The following CLRN1 variants were observed in gnomAD, a reference collection of about 807,000 sequenced individuals.
CLRN1 encodes clarin 1.
Under a neutral mutation model 18.7 loss-of-function variants are expected in CLRN1, and 15 were observed. That is an observed-to-expected ratio of 0.80 (90% CI 0.54 to 1.23). CLRN1 has a LOEUF of 1.23. Ranked by LOEUF, CLRN1 falls within the 50% of genes most tolerant of loss-of-function variation. The probability of loss-of-function intolerance (pLI) is 0.00; values close to 1 mark genes in which losing one functional copy is unlikely to be tolerated. For synonymous variants in CLRN1, 104 were observed against 102.9 expected (o/e 1.01, Z -0.07); for missense variants, 311 against 277.5 (o/e 1.12, Z -0.86).
chr3:150,927,479 T>A lies in CLRN1; in HGVS notation c.*457A>T, dbSNP rs1465009288. 2 of 453,062 alleles carry A rather than the reference T, an allele frequency of 4.4e-6. No homozygotes were observed. Among genetic ancestry groups the A allele is most frequent in the Admixed American group, 2.4e-5 (1 of 42,532 alleles). The allele number at this position is 453,062 out of a possible 1,614,324, so 28.1% of individuals were successfully genotyped here. A position where few individuals can be genotyped will look rare whatever the true frequency, so the allele number is the denominator to read the frequency against. On this transcript the variant is annotated 3_prime_UTR_variant, in exon 3 of 3. Coordinates refer to ENST00000327047, the MANE Select transcript of CLRN1 (RefSeq NM_174878.3). ...AATGTGTGTTGATACATTTTATAGA[T>A]GTTCATTTAATACACTACTGTTTTA...
chr3:150,927,989 C>T lies in CLRN1; in HGVS notation c.646G>A (p.Ala216Thr), dbSNP rs754546741. Residue 216 changes from alanine to threonine, a missense_variant, in exon 3 of 3, where the codon GCA becomes ACA. Ala to Thr is a moderately conservative substitution (Grantham distance 58). Transcript: ENST00000327047. ...IRLAGFQFPF[A>T]KSKDAETTNV... ...GTTGTTTCTGCGTCTTTAGATTTTG[C>T]AAAAGGGAACTGAAATCCAGCAAGT... is the stretch of plus-strand genomic sequence containing the variant. 6.2e-7 allele frequency: 1 copy of T among 1,614,062 alleles called. No individual in the cohort carries two copies. The highest frequency in any genetic ancestry group is 2.2e-5 in the East Asian group (1 of 44,874).
intron 1 of CLRN1, among the ~76,000 whole-genome samples, chr3:150,969,538 G>A (rs192396102): frequency 1.3e-4 from 20 of 151,586 alleles, no homozygotes; most frequent in Admixed American, 1.3e-3. Flanking sequence ...GGTTAGCCAG[G>A]ATGGTCTCGA....
chr3:150,949,417 T>A (rs1714361759), intron 1 of CLRN1, among the ~76,000 whole-genome samples: 1 of 152,160 alleles, frequency 6.6e-6, no homozygotes, highest in Admixed American at 6.5e-5. Context: ...GAAGTCAAAC[T>A]AAATCTGTTT....
chr3:150,969,191 T>TA (rs1356286478), intron 1 of CLRN1, among the ~76,000 whole-genome samples: 2 of 150,154 alleles, frequency 1.3e-5, no homozygotes, highest in African/African-American at 2.4e-5. Context: ...ATCTTGGGTT[T>TA]AAAAAAATCA....
chr3:150,956,041 T>G (rs1478290426), intron 1 of CLRN1, among the ~76,000 whole-genome samples: 1 of 152,252 alleles, frequency 6.6e-6, no homozygotes, highest in Non-Finnish European at 1.5e-5. Context: ...GTTATACATA[T>G]TGTCTTCATA....
chr3:150,960,446 G>A (rs9825721), intron 1 of CLRN1, among the ~76,000 whole-genome samples: 87,985 of 151,972 alleles, frequency 0.58, 25,861 homozygotes, highest in Non-Finnish European at 0.62. Context: ...CTTGAAGTAC[G>A]TGGAATTCAG....
intron 2 of CLRN1, among the ~76,000 whole-genome samples, chr3:150,936,529 A>G (rs757700236): frequency 1.1e-4 from 17 of 152,186 alleles, no homozygotes; most frequent in Non-Finnish European, 1.6e-4. Flanking sequence ...TATTAGTTGC[A>G]TAAGCTACCT....
At chr3:150,926,445 A>T (rs1372447756), downstream of CLRN1, 2 of 355,498 alleles carry the variant, frequency 5.6e-6, no homozygotes, top group Non-Finnish European at 5.5e-6. Flanking sequence ...CATTTCAGCT[A>T]AAGACTTACA....
At chr3:150,947,673 A>T (rs1263028502) in intron 1 of CLRN1, among the ~76,000 whole-genome samples, 1 of 152,196 alleles carries the variant, frequency 6.6e-6, no homozygotes, top group Non-Finnish European at 1.5e-5. Flanking sequence ...TCCTCAGCAA[A>T]TGCAAAAGAA....
At chr3:150,965,288 A>C (rs1306526715) in intron 1 of CLRN1, among the ~76,000 whole-genome samples, 1 of 152,140 alleles carries the variant, frequency 6.6e-6, no homozygotes, top group Non-Finnish European at 1.5e-5. Context: ...ACAGCATCAT[A>C]ATATGTCCCA....
intron 1 of CLRN1, among the ~76,000 whole-genome samples, chr3:150,969,389 A>G (rs1359871828): frequency 8.2e-6 from 1 of 122,032 alleles, no homozygotes; most frequent in East Asian, 2.6e-4. Context: ...TGCAGTGGCG[A>G]GATCTCGGCT....
At chr3:150,944,303 G>A (rs1267454201) in intron 1 of CLRN1, 7 of 184,786 alleles carry the variant, frequency 3.8e-5, no homozygotes, top group South Asian at 2.2e-4. Context: ...TGACCATGGC[G>A]AGGAGTTGGC....
intron 2 of CLRN1, among the ~76,000 whole-genome samples, chr3:150,934,123 A>T (rs1713320116): frequency 6.6e-6 from 1 of 152,140 alleles, no homozygotes; most frequent in Non-Finnish European, 1.5e-5. Context: ...TTCACCACCA[A>T]TTACAGAATA....
chr3:150,940,215 A>T (rs906511723), intron 2 of CLRN1, among the ~76,000 whole-genome samples: 4 of 152,232 alleles, frequency 2.6e-5, no homozygotes, highest in African/African-American at 9.6e-5. Context: ...AAACTGTATT[A>T]TATACTTGTG....
At chr3:150,969,311 A>ATTTT (rs1715416631) in intron 1 of CLRN1, among the ~76,000 whole-genome samples, 17 of 59,864 alleles carry the variant, frequency 2.8e-4, no homozygotes, top group African/African-American at 7.4e-4. Flanking sequence ...ATATATATAT[A>ATTTT]TATTTTTTTT....
chr3:150,941,983 G>T (rs1713874754), intron 1 of CLRN1, among the ~76,000 whole-genome samples: 1 of 152,006 alleles, frequency 6.6e-6, no homozygotes, highest in African/African-American at 2.4e-5. Context: ...GGAGATTTGA[G>T]GTAATTTATT....
rs1477382233 is a variant in CLRN1 at position 150,926,674 on chromosome 3, C to A, written c.*1262G>T. The A allele has an allele frequency of 1.9e-6, 2 of 1,034,124 alleles. No individual in the cohort carries two copies. Among genetic ancestry groups the A allele is most frequent in the Non-Finnish European group, 3.0e-6 (2 of 674,964 alleles). The allele number at this position is 1,034,124 out of a possible 1,614,324, so 64.1% of individuals were successfully genotyped here. Reference sequence around the variant, plus strand: ...GTTGTTTCATCCTTGTAAATAGTTCCAAAGGGAAACAGTGTTTTATTTTAA... The same window carrying A: ...GTTGTTTCATCCTTGTAAATAGTTCAAAAGGGAAACAGTGTTTTATTTTAA... On this transcript the variant is annotated 3_prime_UTR_variant, in exon 3 of 3. Transcript: ENST00000327047.
In CLRN1 at chr3:150,958,424, G is replaced by T. The variant is rs182144700; in HGVS notation, c.253+14032C>A. 3.5e-4 allele frequency among the ~76,000 whole-genome samples: 54 copies of T among 152,196 alleles called. 1 individual carries two copies. The East Asian group carries it at 9.5e-3, about 27-fold the overall frequency. On this transcript the variant is annotated intron_variant, in intron 1 of 2. Transcript: ENST00000327047. ...CCATCTTCTGTCCTGTCACATAGCT[G>T]CTTGCCTTCCTTAAAAGGCTTCATG...
At chr3:150,945,390 G>A (rs1357717990) in intron 1 of CLRN1, 2 of 633,898 alleles carry the variant, frequency 3.2e-6, no homozygotes, top group Non-Finnish European at 4.5e-6. Context: ...GTAGTCATCT[G>A]TACAAATGCA....
Sources: gnomAD v4.1 joint callset for allele counts (sites outside exome capture counted in the v4.1 genomes callset) on GRCh38, gnomAD v4.1.1 for gene constraint, MANE v1.5 for transcripts, NCBI Gene and HGNC (gene_info 2026-07-23, HGNC 2026-07-21) for gene names.